Variants in CNTNAP2 observed in about 807,000 individuals in gnomAD.
CNTNAP2 encodes the protein contactin-associated protein-like 2.
In CNTNAP2, 98 loss-of-function variants were observed where a neutral mutation model predicts 155.2. The observed-to-expected ratio is 0.63, with a 90% CI of 0.54 to 0.75. The LOEUF is 0.75. Among genes scored for constraint, CNTNAP2 ranks in the 30% least tolerant of loss-of-function variants. The probability of loss-of-function intolerance (pLI) is 0.00; values close to 1 mark genes in which losing one functional copy is unlikely to be tolerated. For missense variants in CNTNAP2, 1,727 were observed against 1,688.1 expected, an observed-to-expected ratio of 1.02 and a Z score of -0.40; for synonymous variants, 651 against 631.2, an observed-to-expected ratio of 1.03 and a Z score of -0.47.
At chr7:148,175,579 G>A (rs1794918702) in intron 18 of CNTNAP2, among the ~76,000 whole-genome samples, 1 of 152,086 alleles carries the variant, frequency 6.6e-6, no homozygotes, top group African/African-American at 2.4e-5. Context: ...CTTCAGATGG[G>A]CATCGGAGGA....
chr7:146,340,276 T>A (rs2129096399), intron 1 of CNTNAP2, among the ~76,000 whole-genome samples: 1 of 139,484 alleles, frequency 7.2e-6, no homozygotes, highest in East Asian at 2.0e-4. Context: ...TTTTGTTTGT[T>A]GTTGTTGTTG....
chr7:146,227,331 A>G (rs1442281849), intron 1 of CNTNAP2, among the ~76,000 whole-genome samples: 2 of 151,528 alleles, frequency 1.3e-5, no homozygotes, highest in South Asian at 4.2e-4. Context: ...AGGCTGAGAC[A>G]GCAGAATTGC....
chr7:147,959,110 A>C (rs1433922740), intron 14 of CNTNAP2, among the ~76,000 whole-genome samples: 1 of 152,176 alleles, frequency 6.6e-6, no homozygotes, highest in Non-Finnish European at 1.5e-5. Flanking sequence ...TCTCCATGCC[A>C]TATCAGACAA....
intron 2 of CNTNAP2, among the ~76,000 whole-genome samples, chr7:146,822,715 TTAAA>T (rs893260879): frequency 4.2e-5 from 6 of 143,380 alleles, no homozygotes; most frequent in African/African-American, 7.6e-5. Context: ...AAGTATACAC[TTAAA>T]TATATATACT....
intron 2 of CNTNAP2, among the ~76,000 whole-genome samples, chr7:146,783,741 G>C (rs1044765480): frequency 9.9e-5 from 15 of 152,212 alleles, no homozygotes; most frequent in African/African-American, 3.6e-4. Context: ...CAAAGTGCAT[G>C]ATGTTAATAT....
chr7:147,560,630 T>G (rs1022968156), intron 11 of CNTNAP2, among the ~76,000 whole-genome samples: 3 of 151,922 alleles, frequency 2.0e-5, no homozygotes, highest in Non-Finnish European at 4.4e-5. Context: ...AAATAATTAG[T>G]GAACAAACAC....
At chr7:147,523,802 A>G (rs780063811) in intron 11 of CNTNAP2, among the ~76,000 whole-genome samples, 11 of 152,190 alleles carry the variant, frequency 7.2e-5, no homozygotes, top group Middle Eastern at 3.2e-3. Flanking sequence ...TGTGCTATGT[A>G]CAGATGTCTC....
At chr7:148,391,641 C>T (rs976205168) in intron 22 of CNTNAP2, among the ~76,000 whole-genome samples, 2 of 152,188 alleles carry the variant, frequency 1.3e-5, no homozygotes, top group Non-Finnish European at 1.5e-5. Flanking sequence ...TCACAGAATG[C>T]CAGGCAATTG....
chr7:147,423,353 G>A (rs1797328232), intron 10 of CNTNAP2, among the ~76,000 whole-genome samples: 1 of 152,096 alleles, frequency 6.6e-6, no homozygotes, highest in African/African-American at 2.4e-5. Context: ...TAATTTATAT[G>A]CCCAAAGAAA....
At chr7:147,910,763 T>C (rs956101721) in intron 14 of CNTNAP2, among the ~76,000 whole-genome samples, 2 of 152,138 alleles carry the variant, frequency 1.3e-5, no homozygotes, top group Admixed American at 6.5e-5. Context: ...GAGAACAGTA[T>C]GGGGGATACC....
intron 20 of CNTNAP2, 51 bp downstream of exon 20, chr7:148,229,830 T>G (rs751060087): frequency 1.9e-5 from 30 of 1,602,764 alleles, no homozygotes; most frequent in Non-Finnish European, 2.5e-5. Flanking sequence ...TTATAGTCCC[T>G]GTCCCTATAA....
intron 3 of CNTNAP2, among the ~76,000 whole-genome samples, chr7:146,993,105 A>G (rs1471556348): frequency 6.6e-6 from 1 of 152,198 alleles, no homozygotes; most frequent in Non-Finnish European, 1.5e-5. Flanking sequence ...GTAAAAGTTT[A>G]TCATAAAAGC....
At chr7:146,229,175 A>G (rs1445827661) in intron 1 of CNTNAP2, among the ~76,000 whole-genome samples, 2 of 152,184 alleles carry the variant, frequency 1.3e-5, no homozygotes, top group African/African-American at 2.4e-5. Context: ...ATGAATTGCC[A>G]TCGGGTCACT....
intron 1 of CNTNAP2, among the ~76,000 whole-genome samples, chr7:146,240,454 A>T (rs28562996): frequency 6.6e-6 from 1 of 151,868 alleles, no homozygotes. Context: ...CCTCTAATGA[A>T]AAATATTAAT....
intron 9 of CNTNAP2, among the ~76,000 whole-genome samples, chr7:147,333,779 A>T (rs561496883): frequency 2.6e-5 from 4 of 152,208 alleles, no homozygotes; most frequent in African/African-American, 9.6e-5. Flanking sequence ...TAATGCCATA[A>T]GTAATGGAAA....
intron 1 of CNTNAP2, among the ~76,000 whole-genome samples, chr7:146,431,770 G>A (rs2129117094): frequency 6.6e-6 from 1 of 152,150 alleles, no homozygotes; most frequent in Non-Finnish European, 1.5e-5. Context: ...TAGTTAAACA[G>A]GGAGCCAGAA....
At chr7:146,266,639 A>C (rs1393810714) in intron 1 of CNTNAP2, among the ~76,000 whole-genome samples, 1 of 152,214 alleles carries the variant, frequency 6.6e-6, no homozygotes, top group Admixed American at 6.5e-5. Flanking sequence ...TGCTTTCTGC[A>C]GCAGAATGGG....
chr7:147,807,657 TA>T (rs1465129526), intron 13 of CNTNAP2, among the ~76,000 whole-genome samples: 1 of 152,130 alleles, frequency 6.6e-6, no homozygotes, highest in Non-Finnish European at 1.5e-5. Context: ...ATACTAAAGG[TA>T]AAAGTTATTG....
At chr7:146,728,059 G>C (rs2642501) in intron 1 of CNTNAP2, among the ~76,000 whole-genome samples, 2 of 152,074 alleles carry the variant, frequency 1.3e-5, no homozygotes, top group Admixed American at 1.3e-4. Flanking sequence ...AGCATCACGA[G>C]CATGCTCAGG....
Sources: gnomAD v4.1 joint callset for allele counts (sites outside exome capture counted in the v4.1 genomes callset) on GRCh38, gnomAD v4.1.1 for gene constraint, MANE v1.5 for transcripts, NCBI Gene and HGNC (gene_info 2026-07-23, HGNC 2026-07-21) for gene names.